Variants in SERPINB6 observed in about 807,000 individuals in gnomAD.
SERPINB6 encodes the protein serpin family B member 6, also known as serpin B6.
A neutral mutation model predicts 26.1 loss-of-function variants in SERPINB6; 16 were observed. The observed-to-expected ratio is 0.61, with a 90% CI of 0.42 to 0.93. The LOEUF (loss-of-function observed/expected upper bound fraction) is 0.93, where lower values mean the gene tolerates loss of function less well. Among genes scored for constraint, SERPINB6 ranks in the 40% least tolerant of loss-of-function variants. The pLI is 0.00. For missense variants in SERPINB6, 420 were observed against 478.0 expected, an observed-to-expected ratio of 0.88 and a Z score of 1.13; for synonymous variants, 174 against 176.6, an observed-to-expected ratio of 0.99 and a Z score of 0.11.
intron 1 of SERPINB6, chr6:2,969,318 A>C (rs1448093703): frequency 1.0e-6 from 1 of 985,350 alleles, no homozygotes; most frequent in African/African-American, 1.7e-5. Flanking sequence ...CTTTAGCTTC[A>C]GTAAATAAGA....
Position 2,953,154 on chromosome 6 carries a change from C to G in SERPINB6, c.463G>C (p.Val155Leu), listed in dbSNP as rs1770012034. 6.2e-7 allele frequency: 1 copy of G among 1,614,106 alleles called. No homozygotes were observed. Among genetic ancestry groups the G allele is most frequent in the Non-Finnish European group, 8.5e-7 (1 of 1,180,042 alleles). ...AGAACCAGCCTTGTCAATGGATCCA[C>G]TGAGCCCGGAGAGAGCAACTCCGCA... is the stretch of plus-strand genomic sequence containing the variant. The part of the protein sequence containing the change: ...KIAELLSPGS[V>L]DPLTRLVLVN... The change falls in exon 5 of 7, where the codon GTG (valine) becomes CTG (leucine). Residue 155 changes from valine to leucine, a missense_variant. By Grantham distance (32) the Val-to-Leu change is conservative. Coordinates refer to ENST00000380539, the MANE Select transcript of SERPINB6 (RefSeq NM_004568.6).
chr6:2,964,642 A>T (rs1202994482), intron 1 of SERPINB6, among the ~76,000 whole-genome samples: 1 of 152,162 alleles, frequency 6.6e-6, no homozygotes, highest in Non-Finnish European at 1.5e-5. Context: ...CTATATATAC[A>T]TTCAGTTTAA....
At chr6:2,957,663 T>TG (rs1340083032) in intron 2 of SERPINB6, 1 of 152,190 alleles carries the variant, frequency 6.6e-6, no homozygotes, top group African/African-American at 2.4e-5. Flanking sequence ...AATTCCACAG[T>TG]GGTTTTCAGG....
intron 1 of SERPINB6, chr6:2,969,547 C>T: frequency 1.0e-6 from 1 of 982,854 alleles, no homozygotes; most frequent in Non-Finnish European, 1.2e-6. Flanking sequence ...CCTGGCATCA[C>T]TTTTTTTTTC....
chr6:2,954,164 A>G lies in SERPINB6; in HGVS notation c.430+428T>C, dbSNP rs563467353. ...TTAAATTAAGAACCACAGATAGACCAGGGCGTGACCCAGTGTCCCACAGCA... is the reference window on the plus strand; with the variant it reads ...TTAAATTAAGAACCACAGATAGACCGGGGCGTGACCCAGTGTCCCACAGCA... On this transcript the variant is annotated intron_variant, in intron 4 of 6. Coordinates refer to ENST00000380539, the MANE Select transcript of SERPINB6 (RefSeq NM_004568.6). Among the ~76,000 whole-genome samples the G allele has an allele frequency of 2.6e-5, 4 of 152,078 alleles. No homozygotes were observed. In the South Asian group the frequency reaches 8.3e-4, roughly 32 times the overall value.
chr6:2,968,615 T>C (rs1461597727), intron 1 of SERPINB6: 1 of 1,220,452 alleles, frequency 8.2e-7, no homozygotes, highest in Admixed American at 4.3e-5. Flanking sequence ...TTCCGTTCCC[T>C]GCGCTGCCTA....
At chr6:2,963,506 G>A (rs1771335728) in intron 1 of SERPINB6, 1 of 152,238 alleles carries the variant, frequency 6.6e-6, no homozygotes, top group African/African-American at 2.4e-5. Context: ...TTCCCAAAAA[G>A]CAATGGTGGA....
chr6:2,956,043 T>C, intron 2 of SERPINB6: 1 of 221,518 alleles, frequency 4.5e-6, no homozygotes, highest in African/African-American at 2.3e-5. Flanking sequence ...GCCACTGCAC[T>C]CTAGCCTGGC....
chr6:2,968,683 C>A (rs971735173), intron 1 of SERPINB6: 1 of 1,229,990 alleles, frequency 8.1e-7, no homozygotes, highest in Admixed American at 4.2e-5. Context: ...TTAGGTCTCT[C>A]TTTTGTACCT....
chr6:2,957,447 G>A (rs1006583458), intron 2 of SERPINB6: 1 of 152,240 alleles, frequency 6.6e-6, no homozygotes, highest in Admixed American at 6.5e-5. Flanking sequence ...AAAAGAGATG[G>A]CCTCAGGGCA....
chr6:2,969,530 A>G (rs1463819082), intron 1 of SERPINB6: 1 of 985,304 alleles, frequency 1.0e-6, no homozygotes, highest in Non-Finnish European at 1.2e-6. Flanking sequence ...AAGCCTAACA[A>G]ATCTATCCTG....
At chr6:2,961,554 G>A (rs1771105904) in intron 1 of SERPINB6, among the ~76,000 whole-genome samples, 1 of 152,164 alleles carries the variant, frequency 6.6e-6, no homozygotes. Context: ...TGGTAAAACA[G>A]GGAAACTTCT....
In SERPINB6 at chr6:2,953,098, CCA is replaced by C; in HGVS notation, c.517_518del (p.Trp173GlyfsTer2). 2 of 1,614,212 alleles carry C rather than the reference CCA, an allele frequency of 1.2e-6. No individual in the cohort carries two copies. Among genetic ancestry groups the C allele is most frequent in the Non-Finnish European group, 1.7e-6 (2 of 1,180,034 alleles). On this transcript the variant is annotated frameshift_variant, in exon 5 of 7. Transcript: ENST00000380539. LOFTEE classifies it high-confidence loss of function. ...TGTTCTCCTTGTCAAACTGTTCATC[CCA>C]GTTTCCTCTGAAATAGACAGCATTC... ...LVNAVYFRGN[W>X]DEQFDKENTE... is the part of the protein sequence containing the mutation.
intron 1 of SERPINB6, chr6:2,962,142 C>T (rs1771189120): frequency 1.0e-6 from 1 of 985,334 alleles, no homozygotes; most frequent in African/African-American, 1.7e-5. Flanking sequence ...TCAGTAACTT[C>T]AACAAAGCAA....
chr6:2,950,871 G>A (rs1769712632), intron 5 of SERPINB6, among the ~76,000 whole-genome samples: 1 of 152,220 alleles, frequency 6.6e-6, no homozygotes, highest in Non-Finnish European at 1.5e-5. Context: ...ACACTGCGGC[G>A]GCAGCTTTCT....
At chr6:2,959,732 T>G in intron 1 of SERPINB6, 1 of 258,088 alleles carries the variant, frequency 3.9e-6, no homozygotes, top group Non-Finnish European at 7.6e-6. Context: ...CTGTTTTAAT[T>G]TGAAAAATAT....
chr6:2,970,742 AAAG>A (rs1772069442), intron 1 of SERPINB6: 2 of 1,230,098 alleles, frequency 1.6e-6, no homozygotes, highest in African/African-American at 3.1e-5. Flanking sequence ...AAAAAAAAAA[AAAG>A]GAAGAAAATA....
chr6:2,959,387 C>A, intron 1 of SERPINB6, 45 bp from the exon 2 acceptor site: 2 of 1,598,706 alleles, frequency 1.3e-6, no homozygotes, highest in Non-Finnish European at 1.7e-6. Flanking sequence ...ACAGCTTCCA[C>A]GCGACTGCAT....
chr6:2,949,447 G>A (rs774891069), intron 5 of SERPINB6, among the ~76,000 whole-genome samples: 7 of 152,190 alleles, frequency 4.6e-5, no homozygotes, highest in Admixed American at 2.0e-4. Flanking sequence ...GCGGCACTCC[G>A]TAGATCCTCC....
Sources: allele counts gnomAD v4.1 joint callset (sites outside exome capture counted in the v4.1 genomes callset), GRCh38; gene constraint gnomAD v4.1.1; transcripts MANE v1.5; gene names NCBI Gene and HGNC (gene_info 2026-07-23, HGNC 2026-07-21).